FA2H: variants seen among roughly 807,000 people sequenced by gnomAD.
FA2H encodes fatty acid alpha-hydroxylase.
In FA2H, 22 loss-of-function variants were observed where a neutral mutation model predicts 44.9. That is an observed-to-expected ratio of 0.49 (90% CI 0.35 to 0.70). The LOEUF (loss-of-function observed/expected upper bound fraction) is 0.70, where lower values mean the gene tolerates loss of function less well. Among genes scored for constraint, FA2H ranks in the 30% least tolerant of loss-of-function variants. The pLI is 0.01. For synonymous variants in FA2H, 243 were observed against 213.2 expected, an observed-to-expected ratio of 1.14 and a Z score of -1.22; for missense variants, 501 against 504.9, an observed-to-expected ratio of 0.99 and a Z score of 0.07.
intron 6 of FA2H, among the ~76,000 whole-genome samples, chr16:74,715,427 G>C (rs960357985): frequency 4.6e-5 from 7 of 152,066 alleles, no homozygotes; most frequent in African/African-American, 7.2e-5. Context: ...AGGTAGCTGA[G>C]ATTACAGGTG....
Position 74,748,356 on chromosome 16 carries a change from G to A in FA2H, c.271-8241C>T, listed in dbSNP as rs145048499. Reference sequence around the variant, plus strand: ...CATCTCCACCACAAGCACCTTCACCGAGGCGCACATGTGGCGGCGTCTCAC... The same window carrying A: ...CATCTCCACCACAAGCACCTTCACCAAGGCGCACATGTGGCGGCGTCTCAC... On this transcript the variant is annotated intron_variant, in intron 1 of 6. Transcript: ENST00000219368. Among the ~76,000 whole-genome samples the A allele has an allele frequency of 3.2e-3, 481 of 152,314 alleles. 1 individual carries two copies. Among genetic ancestry groups the A allele is most frequent in the Non-Finnish European group, 5.2e-3 (356 of 68,030 alleles).
Position 74,727,039 on chromosome 16 carries a change from G to A in FA2H, c.506+205C>T, listed in dbSNP as rs1056482201. On this transcript the variant is annotated intron_variant, in intron 3 of 6. Coordinates refer to ENST00000219368, the MANE Select transcript of FA2H (RefSeq NM_024306.5). Reference sequence around the variant, plus strand: ...GAGGTGGCATTCAATGTAGTTTCTGGCTACATGCTGGGTTGTGACCCACCC... The same window carrying A: ...GAGGTGGCATTCAATGTAGTTTCTGACTACATGCTGGGTTGTGACCCACCC... 2.6e-5 allele frequency among the ~76,000 whole-genome samples: 4 copies of A among 152,188 alleles called. No individual in the cohort carries two copies. The East Asian group carries it at 7.7e-4, about 29-fold the overall frequency.
intron 4 of FA2H, among the ~76,000 whole-genome samples, chr16:74,720,756 A>G (rs1187442578): frequency 6.6e-6 from 1 of 152,114 alleles, no homozygotes; most frequent in Non-Finnish European, 1.5e-5. Flanking sequence ...AGACCCTCCC[A>G]ACCCTAGGAA....
chr16:74,736,079 C>G (rs1962174077), intron 2 of FA2H, among the ~76,000 whole-genome samples: 1 of 152,212 alleles, frequency 6.6e-6, no homozygotes, highest in Non-Finnish European at 1.5e-5. Flanking sequence ...ACTGCCCTCC[C>G]AGGGTGTCCT....
intron 2 of FA2H, among the ~76,000 whole-genome samples, chr16:74,738,908 G>T (rs1009670260): frequency 6.6e-6 from 1 of 152,222 alleles, no homozygotes; most frequent in African/African-American, 2.4e-5. Flanking sequence ...CTCAGGAGGG[G>T]ACATGGCACA....
At chr16:74,740,623 T>C (rs1196765786) in intron 1 of FA2H, among the ~76,000 whole-genome samples, 1 of 29,348 alleles carries the variant, frequency 3.4e-5, no homozygotes, top group African/African-American at 1.0e-4. Flanking sequence ...CATCTCAAAA[T>C]AATAATAATA....
In FA2H at chr16:74,726,450, G is replaced by A. The variant is rs144673586; in HGVS notation, c.507-119C>T. 444 of 672,108 alleles carry A rather than the reference G, an allele frequency of 6.6e-4. 1 individual carries two copies. The highest frequency in any genetic ancestry group is 5.6e-3 in the African/African-American group (315 of 56,242). 41.6% of individuals were successfully genotyped at this position (672,108 alleles called of 1,614,324 possible). Reference sequence around the variant, plus strand: ...GTTGCCCAGGCTGGAGTGCAATGGCGTGATTTCGGCTCACTGCAACCTCTG... The same window carrying A: ...GTTGCCCAGGCTGGAGTGCAATGGCATGATTTCGGCTCACTGCAACCTCTG... On this transcript the variant is annotated intron_variant, in intron 3 of 6. Transcript: ENST00000219368.
chr16:74,719,218 AG>A, intron 4 of FA2H, 58 bp from the exon 5 acceptor site: 1 of 1,508,860 alleles, frequency 6.6e-7, no homozygotes, highest in East Asian at 2.3e-5. Flanking sequence ...TGGTAGCTCC[AG>A]GTGTCCCTGC....
At chr16:74,730,542 A>AACACAC (rs147325862) in intron 2 of FA2H, among the ~76,000 whole-genome samples, 1 of 150,832 alleles carries the variant, frequency 6.6e-6, no homozygotes, top group Non-Finnish European at 1.5e-5. Context: ...TAGGTCTGTA[A>AACACAC]ACACACACAC....
chr16:74,754,188 G>A (rs1466919356), intron 1 of FA2H, among the ~76,000 whole-genome samples: 1 of 152,220 alleles, frequency 6.6e-6, no homozygotes. Context: ...TTGAGGTCGG[G>A]AGTTCAAGAC....
At chr16:74,771,204 T>C (rs934326356) in intron 1 of FA2H, among the ~76,000 whole-genome samples, 1 of 151,960 alleles carries the variant, frequency 6.6e-6, no homozygotes, top group African/African-American at 2.4e-5. Context: ...CCTTTTCTAT[T>C]TTTTTGTGAC....
intron 1 of FA2H, among the ~76,000 whole-genome samples, chr16:74,771,744 C>T (rs968404946): frequency 6.6e-6 from 1 of 152,104 alleles, no homozygotes; most frequent in African/African-American, 2.4e-5. Flanking sequence ...ATGCTGAGTC[C>T]CAGCATATTG....
intron 1 of FA2H, among the ~76,000 whole-genome samples, chr16:74,749,399 G>T (rs1962489799): frequency 6.6e-6 from 1 of 151,956 alleles, no homozygotes; most frequent in South Asian, 2.1e-4. Flanking sequence ...AAGGCGATGG[G>T]CCCTGCAGGC....
At chr16:74,762,515 T>C (rs1191728655) in intron 1 of FA2H, among the ~76,000 whole-genome samples, 3 of 152,106 alleles carry the variant, frequency 2.0e-5, no homozygotes, top group African/African-American at 7.2e-5. Flanking sequence ...CTATGAAATA[T>C]TGGTCTTCAT....
At chr16:74,771,930 C>G (rs934640885) in intron 1 of FA2H, among the ~76,000 whole-genome samples, 2 of 151,714 alleles carry the variant, frequency 1.3e-5, no homozygotes, top group Admixed American at 6.6e-5. Context: ...ATGAACCCTG[C>G]CTGAACCTCT....
intron 3 of FA2H, among the ~76,000 whole-genome samples, 193 bp from the exon 4 acceptor site, chr16:74,726,524 G>C (rs1318001144): frequency 6.6e-6 from 1 of 152,210 alleles, no homozygotes; most frequent in Non-Finnish European, 1.5e-5. Context: ...AAGTAGCTGG[G>C]ATTACAGGCA....
intron 1 of FA2H, among the ~76,000 whole-genome samples, chr16:74,752,660 C>G (rs1426833022): frequency 6.6e-6 from 1 of 152,172 alleles, no homozygotes; most frequent in Non-Finnish European, 1.5e-5. Context: ...TCCCCAGCAC[C>G]AAGCAGGGTG....
chr16:74,740,636 A>G (rs1962276730), intron 1 of FA2H, among the ~76,000 whole-genome samples: 2 of 136,286 alleles, frequency 1.5e-5, no homozygotes, highest in Admixed American at 1.5e-4. Flanking sequence ...TAATAATAAT[A>G]ATAATAATAA....
intron 1 of FA2H, among the ~76,000 whole-genome samples, chr16:74,755,200 G>A (rs899271519): frequency 2.0e-5 from 3 of 151,848 alleles, no homozygotes; most frequent in African/African-American, 7.3e-5. Context: ...GGTGGGTGGG[G>A]ATGGAGTCTT....
Sources: allele counts gnomAD v4.1 joint callset (sites outside exome capture counted in the v4.1 genomes callset), GRCh38; gene constraint gnomAD v4.1.1; transcripts MANE v1.5; gene names NCBI Gene and HGNC (gene_info 2026-07-23, HGNC 2026-07-21).